MTA1: variants seen among roughly 807,000 people sequenced by gnomAD.
MTA1 encodes the protein metastasis associated 1, also known as metastasis-associated protein MTA1.
MTA1 carries 15 observed loss-of-function variants against 97.0 expected under a neutral mutation model. That is an observed-to-expected ratio of 0.15 (90% confidence interval 0.10 to 0.24). The LOEUF is 0.24. Ranked by LOEUF, MTA1 falls within the 10% of genes least tolerant of loss-of-function variation. The probability of loss-of-function intolerance (pLI) is 1.00; values close to 1 mark genes in which losing one functional copy is unlikely to be tolerated. For synonymous variants in MTA1, 435 were observed against 417.5 expected, an observed-to-expected ratio of 1.04 and a Z score of -0.51; for missense variants, 709 against 1,015.1, an observed-to-expected ratio of 0.70 and a Z score of 4.10.
intron 2 of MTA1, among the ~76,000 whole-genome samples, chr14:105,440,613 G>A (rs587627422): frequency 7.1e-4 from 108 of 152,384 alleles, no homozygotes; most frequent in African/African-American, 2.5e-3. Context: ...CATTGCACAC[G>A]CTCAGAGGCG....
chr14:105,469,530 G>A (rs1555433803), intron 19 of MTA1, 32 bp downstream of exon 19: 1 of 1,610,554 alleles, frequency 6.2e-7, no homozygotes. Context: ...GGGGTACGGT[G>A]CGCTCACCCA....
rs587607862 is a variant in MTA1 at position 105,447,693 on chromosome 14, A to G, written c.191-1666A>G. 6.6e-5 allele frequency among the ~76,000 whole-genome samples: 10 copies of G among 152,246 alleles called. No individual in the cohort carries two copies. The South Asian group carries it at 1.7e-3, about 25-fold the overall frequency. Reference sequence around the variant, plus strand: ...GGCGGCCCCTCTGCAGGGCGTTCCTATGAACTGAGAGCCCAGCTGCAGGGA... The same window carrying G: ...GGCGGCCCCTCTGCAGGGCGTTCCTGTGAACTGAGAGCCCAGCTGCAGGGA... On this transcript the variant is annotated intron_variant, in intron 3 of 20. Coordinates refer to ENST00000331320, the MANE Select transcript of MTA1 (RefSeq NM_004689.4).
In MTA1 at chr14:105,424,015, G is replaced by A. The variant is rs782181582; in HGVS notation, c.28+3952G>A. On this transcript the variant is annotated intron_variant, in intron 1 of 20. Transcript: ENST00000331320. This position sits in a 1 kb window ranked among gnomAD's most constrained non-coding sequence, Gnocchi z 4.0. The stretch of plus-strand genomic sequence containing the variant: ...CGGCCGTCCTGTGAGCACCAGGAGC[G>A]GGAGTGGTAGAAGTGGCAGGGGCCC... Among the ~76,000 whole-genome samples the A allele has an allele frequency of 9.3e-4, 141 of 152,344 alleles. No individual in the cohort carries two copies. Among genetic ancestry groups the A allele is most frequent in the Middle Eastern group, 6.8e-3 (2 of 294 alleles).
At chr14:105,454,508 G>T in intron 7 of MTA1, 198 bp downstream of exon 7, 1 of 512,666 alleles carries the variant, frequency 2.0e-6, no homozygotes, top group Non-Finnish European at 3.6e-6. Context: ...ACCCACTCCT[G>T]GTGGTGTTGG....
rs1333147255 is a variant in MTA1, at chr14:105,420,826, G to A, written c.28+763G>A. 9.2e-5 allele frequency among the ~76,000 whole-genome samples: 14 copies of A among 152,282 alleles called. 1 individual carries two copies. The highest frequency in any genetic ancestry group is 3.4e-4 in the African/African-American group (14 of 41,562). On this transcript the variant is annotated intron_variant, in intron 1 of 20. Transcript: ENST00000331320. This position sits in a 1 kb window ranked among gnomAD's most constrained non-coding sequence, Gnocchi z 5.3. ...CCTTCGTGTGCCTGGGACTCCGTGG[G>A]GTCTTTCACAGGAAGGTGGGGGGTC...
intron 3 of MTA1, among the ~76,000 whole-genome samples, chr14:105,448,241 G>A (rs587660619): frequency 1.3e-5 from 2 of 152,242 alleles, no homozygotes; most frequent in South Asian, 2.1e-4. Context: ...GGTTCAGAGT[G>A]TGAGGGGTGC....
chr14:105,463,088 CCT>C lies in MTA1; in HGVS notation c.943-93_943-92del. ...CACCTCGCCCTCTGGCCTCCCGCCC[CCT>C]CTGTGGCCTTCTGGCCGCAGCCCTG... On this transcript the variant is annotated intron_variant, in intron 10 of 20. Transcript: ENST00000331320. The surrounding 1 kb of genome is among the most constrained non-coding windows in gnomAD (Gnocchi z 5.9). The C allele has an allele frequency of 1.6e-6, 2 of 1,256,116 alleles. No homozygotes were observed. The allele number at this position is 1,256,116 out of a possible 1,614,324, so 77.8% of individuals were successfully genotyped here.
chr14:105,445,266 C>T (rs1199163326), intron 2 of MTA1, 152 bp from the exon 3 acceptor site: 2 of 653,630 alleles, frequency 3.1e-6, no homozygotes, highest in African/African-American at 1.8e-5. Context: ...AGGATTTGCT[C>T]CATTTGTGAA....
chr14:105,450,155 G>A lies in MTA1; in HGVS notation c.339G>A (p.Gln113=). The A allele has an allele frequency of 6.2e-7, 1 of 1,613,088 alleles. No homozygotes were observed. The highest frequency in any genetic ancestry group is 1.1e-5 in the South Asian group (1 of 91,078). ...LRHRELFLSR[Q]LESLPATHIR... is the part of the protein sequence containing the mutation. ...ATCGGGAGCTGTTCCTCTCCCGGCA[G>A]CTGGAGTCTCTGCCCGCCACGCACA... The change falls in exon 5 of 21, where the codon CAG becomes CAA. Residue 113 remains glutamine, a synonymous_variant. Transcript: ENST00000331320.
intron 1 of MTA1, among the ~76,000 whole-genome samples, chr14:105,421,453 C>T (rs1432165119): frequency 6.6e-6 from 1 of 152,220 alleles, no homozygotes; most frequent in African/African-American, 2.4e-5. Flanking sequence ...CAGCCGGGCC[C>T]ACTGCGCATG....
chr14:105,457,771 C>T (rs1459163109), intron 7 of MTA1, among the ~76,000 whole-genome samples: 1 of 152,070 alleles, frequency 6.6e-6, no homozygotes, highest in East Asian at 1.9e-4. Context: ...ACTGAAAATA[C>T]AAAAATTAGC....
chr14:105,450,960 G>C (rs587741747), intron 6 of MTA1, among the ~76,000 whole-genome samples: 3 of 152,204 alleles, frequency 2.0e-5, no homozygotes, highest in Non-Finnish European at 4.4e-5. Flanking sequence ...CGTCTGGAGT[G>C]TGTTGGTTCC....
chr14:105,464,289 G>A, intron 13 of MTA1, 127 bp from the exon 14 acceptor site: 2 of 1,393,652 alleles, frequency 1.4e-6, no homozygotes, highest in Non-Finnish European at 2.0e-6. Flanking sequence ...GTGTGGTTGG[G>A]AGAGCCTCGG....
At chr14:105,467,393 G>A in intron 18 of MTA1, 1 of 455,606 alleles carries the variant, frequency 2.2e-6, no homozygotes, top group Non-Finnish European at 4.4e-6. Context: ...TGCTGGCCAG[G>A]GCAGCAGGGC....
In MTA1 at chr14:105,466,547, G is replaced by A; in HGVS notation, c.1746G>A (p.Lys582=). The change falls in exon 17 of 21, where the codon AAG becomes AAA. Residue 582 remains lysine, a synonymous_variant. Transcript: ENST00000331320. ...INNGSPTILG[K]RSYEQHNGVD... is the part of the protein sequence containing the mutation. ...ACGGCTCCCCCACCATCCTGGGCAA[G>A]CGCAGCTACGAGCAGCACAACGGGG... is the stretch of plus-strand genomic sequence containing the variant. The A allele has an allele frequency of 6.3e-7, 1 of 1,583,088 alleles. No homozygotes were observed. The highest frequency in any genetic ancestry group is 1.1e-5 in the South Asian group (1 of 87,062).
chr14:105,442,149 A>G (rs73362830), intron 2 of MTA1, among the ~76,000 whole-genome samples: 41 of 152,380 alleles, frequency 2.7e-4, no homozygotes, highest in African/African-American at 7.9e-4. Flanking sequence ...TTAAAATTTT[A>G]GAACACGGGA....
chr14:105,442,253 CT>C (rs1396307885), intron 2 of MTA1, among the ~76,000 whole-genome samples: 2 of 152,224 alleles, frequency 1.3e-5, no homozygotes, highest in African/African-American at 4.8e-5. Context: ...GGTGTGGAGG[CT>C]CCACGCCCAG....
chr14:105,466,361 TG>T, intron 16 of MTA1, 64 bp from the exon 17 acceptor site: 1 of 1,443,862 alleles, frequency 6.9e-7, no homozygotes, highest in Non-Finnish European at 9.6e-7. Flanking sequence ...GGCTGGAGCC[TG>T]GGCCTGCCTG....
At chr14:105,464,932 C>A (rs2083506164) in intron 15 of MTA1, 69 bp downstream of exon 15, 52 of 1,487,168 alleles carry the variant, frequency 3.5e-5, no homozygotes, top group Non-Finnish European at 4.6e-5. Flanking sequence ...AACCTTGGGG[C>A]CCAGCCTGTA....
Sources: gnomAD v4.1 joint callset for allele counts (sites outside exome capture counted in the v4.1 genomes callset) on GRCh38, gnomAD v4.1.1 for gene constraint, Gnocchi (gnomAD v3.1) non-coding constraint, MANE v1.5 for transcripts, NCBI Gene and HGNC (gene_info 2026-07-23, HGNC 2026-07-21) for gene names.